CDKL5: variants seen among roughly 807,000 people sequenced by gnomAD.
CDKL5 encodes cyclin dependent kinase like 5, also known as cyclin-dependent kinase-like 5.
A neutral mutation model predicts 61.7 loss-of-function variants in CDKL5; 8 were observed. That is an observed-to-expected ratio of 0.13 (90% CI 0.08 to 0.23). The LOEUF is 0.23. Ranked by LOEUF, CDKL5 falls within the 10% of genes least tolerant of loss-of-function variation. The pLI, the probability that CDKL5 is intolerant of heterozygous loss-of-function variation, is 1.00. For missense variants in CDKL5, 440 were observed against 734.5 expected (o/e 0.60, Z 4.63); for synonymous variants, 275 against 272.3 (o/e 1.01, Z -0.10).
At position 18,604,210 on chromosome X, in the gene CDKL5, C is replaced by T. The variant is rs377263491; in HGVS notation, c.1286C>T (p.Pro429Leu). 4.1e-6 allele frequency: 5 copies of T among 1,211,153 alleles called. No homozygotes were observed. The highest frequency in any genetic ancestry group is 5.6e-6 in the Non-Finnish European group (5 of 894,952). Residue 429 changes from proline (P) to leucine (L), a missense_variant, in exon 12 of 18, where the codon CCA becomes CTA. Pro to Leu is a moderately conservative substitution (Grantham distance 98). Around this residue, in one of 2 missense-constraint regions of CDKL5, gnomAD observed 363 missense variants for 516.3 expected, o/e 0.70. Coordinates refer to ENST00000623535, the MANE Select transcript of CDKL5 (RefSeq NM_001323289.2). The stretch of plus-strand genomic sequence containing the variant: ...ATTGACCCAAAGCCTTCAGAAGGCC[C>T]AGGGACAAAGTACCTCAAGTCAAAC... ...FNIDPKPSEG[P>L]GTKYLKSNSR...
intron 9 of CDKL5, 56 bp downstream of exon 9, chrX:18,588,199 T>C: frequency 1.1e-6 from 1 of 900,382 alleles, no homozygotes; most frequent in Non-Finnish European, 1.6e-6. Flanking sequence ...TTTGAGTCAT[T>C]GTTCATTGCA....
intron 3 of CDKL5, among the ~76,000 whole-genome samples, chrX:18,525,047 T>C (rs141414864): frequency 0.022 from 2,399 of 111,361 alleles, 50 homozygotes; most frequent in African/African-American, 0.062. Context: ...CTCAGTCTCC[T>C]AAGTGGTTGG....
Position 18,604,746 on chromosome X carries a change from C to T in CDKL5, c.1822C>T (p.Pro608Ser), listed in dbSNP as rs1463072215. The T allele has an allele frequency of 8.3e-7, 1 of 1,211,734 alleles. No homozygotes were observed. Reference sequence around the variant, plus strand: ...CAGCCCCTTTTCTTCCCAGCAACGTCCTCATAGGCATTCTATGTATGTGAC... The same window carrying T: ...CAGCCCCTTTTCTTCCCAGCAACGTTCTCATAGGCATTCTATGTATGTGAC... ...YTSPFSSQQR[P>S]HRHSMYVTRD... Residue 608 changes from proline to serine, a missense_variant, in exon 12 of 18, where the codon CCT becomes TCT. By Grantham distance (74) the Pro-to-Ser change is moderately conservative. This residue lies in a region of CDKL5 where 363 missense variants were observed against 516.3 expected (regional missense o/e 0.70). Transcript: ENST00000623535.
chrX:18,561,884 C>A (rs760173923), intron 3 of CDKL5, among the ~76,000 whole-genome samples: 2 of 110,960 alleles, frequency 1.8e-5, no homozygotes. Context: ...GAATATTAAC[C>A]ATGCTCAGGC....
At chrX:18,442,722 T>G (rs1288026585) in intron 1 of CDKL5, among the ~76,000 whole-genome samples, 1 of 111,121 alleles carries the variant, frequency 9.0e-6, no homozygotes, top group East Asian at 2.8e-4. Context: ...TCTCAATCTC[T>G]TGACCTCGTG....
Position 18,506,925 on chromosome X carries a change from T to G in CDKL5, c.-162-10T>G. The G allele has an allele frequency of 2.3e-6, 1 of 438,806 alleles. No homozygotes were observed. The highest frequency in any genetic ancestry group is 4.0e-6 in the Non-Finnish European group (1 of 249,557). The allele number at this position is 438,806 out of a possible 1,213,427, so 36.2% of individuals were successfully genotyped here. A position where few individuals can be genotyped will look rare whatever the true frequency, so the allele number is the denominator to read the frequency against. ...AACTTACAGCTTTTAATTGTGTTTG[T>G]TTTTTTCAGGGAGTCATTTAATACT... On this transcript the variant is annotated splice_polypyrimidine_tract_variant and intron_variant, in intron 1 of 17. Transcript: ENST00000623535.
chrX:18,517,196 C>G (rs1304064599), intron 3 of CDKL5, among the ~76,000 whole-genome samples: 2 of 111,848 alleles, frequency 1.8e-5, no homozygotes, highest in Non-Finnish European at 3.8e-5. Context: ...TCTTTCTACT[C>G]TGAAAACTTT....
intron 1 of CDKL5, among the ~76,000 whole-genome samples, chrX:18,468,910 T>G (rs778522141): frequency 5.1e-4 from 57 of 111,848 alleles, no homozygotes; most frequent in Non-Finnish European, 7.0e-4. Context: ...GTAGGCTAAC[T>G]ATAGAATACC....
intron 15 of CDKL5, among the ~76,000 whole-genome samples, chrX:18,614,470 C>T (rs1926657735): frequency 9.0e-6 from 1 of 111,666 alleles, no homozygotes; most frequent in Non-Finnish European, 1.9e-5. Flanking sequence ...CTCTTGGTTT[C>T]CTCATGTGTA....
intron 1 of CDKL5, among the ~76,000 whole-genome samples, chrX:18,490,338 G>A (rs1921949354): frequency 9.0e-6 from 1 of 111,478 alleles, no homozygotes; most frequent in Non-Finnish European, 1.9e-5. Context: ...ACTTGTGACA[G>A]GAATCCGAAG....
At chrX:18,559,618 C>CTT (rs1426007448) in intron 3 of CDKL5, among the ~76,000 whole-genome samples, 2 of 90,857 alleles carry the variant, frequency 2.2e-5, no homozygotes, top group Non-Finnish European at 2.2e-5. Context: ...ATGACCTTTT[C>CTT]TTTTTTTTTT....
At chrX:18,594,082 A>G (rs1175652209) in intron 9 of CDKL5, among the ~76,000 whole-genome samples, 1 of 112,476 alleles carries the variant, frequency 8.9e-6, no homozygotes, top group East Asian at 2.8e-4. Flanking sequence ...TGTGGAGATG[A>G]TGTCATAATC....
intron 8 of CDKL5, chrX:18,587,609 T>TTATTTGTATTTG (rs1925682037): frequency 4.8e-6 from 1 of 208,533 alleles, no homozygotes; most frequent in Non-Finnish European, 8.7e-6. Flanking sequence ...GAAAATACAA[T>TTATTTGTATTTG]TATTTGGAAG....
At chrX:18,496,086 T>C (rs1406348011) in intron 1 of CDKL5, among the ~76,000 whole-genome samples, 1 of 112,285 alleles carries the variant, frequency 8.9e-6, no homozygotes, top group African/African-American at 3.2e-5. Flanking sequence ...TTTGTTAATG[T>C]TAAAACCAAA....
Position 18,510,804 on chromosome X carries a change from C to T in CDKL5, c.65-16C>T. 8.4e-7 allele frequency: 1 copy of T among 1,184,509 alleles called. No individual in the cohort carries two copies. Among genetic ancestry groups the T allele is most frequent in the Non-Finnish European group, 1.1e-6 (1 of 871,207 alleles). On this transcript the variant is annotated splice_polypyrimidine_tract_variant and intron_variant, in intron 2 of 17. Coordinates refer to ENST00000623535, the MANE Select transcript of CDKL5 (RefSeq NM_001323289.2). ...TTGTATGCGTGCCCTTGATTGTTTA[C>T]TTCTTTTTATTATAGGAGCCTATGG...
intron 5 of CDKL5, among the ~76,000 whole-genome samples, chrX:18,576,674 G>A (rs981887677): frequency 8.2e-5 from 9 of 110,139 alleles, no homozygotes; most frequent in Admixed American, 1.9e-4. Flanking sequence ...AAACTGGAAC[G>A]GTACTAGCAG....
At chrX:18,624,586 C>G (rs763176930) in intron 16 of CDKL5, among the ~76,000 whole-genome samples, 4 of 112,057 alleles carry the variant, frequency 3.6e-5, no homozygotes, top group South Asian at 7.4e-4. Context: ...TCCAGCATTT[C>G]TCTAGTACAT....
At chrX:18,518,406 T>A (rs1343187899) in intron 3 of CDKL5, among the ~76,000 whole-genome samples, 11 of 66,672 alleles carry the variant, frequency 1.6e-4, no homozygotes, top group Non-Finnish European at 3.1e-4. Flanking sequence ...TTTTTTTTTT[T>A]TTTTTTTTTT....
chrX:18,628,284 G>A (rs1302661995), intron 17 of CDKL5, 87 bp from the exon 18 acceptor site: 36 of 987,285 alleles, frequency 3.6e-5, no homozygotes, highest in Non-Finnish European at 4.6e-5. Context: ...GCCACACCCA[G>A]TCACCTCACC....
Sources: allele counts gnomAD v4.1 joint callset (sites outside exome capture counted in the v4.1 genomes callset), GRCh38; gene constraint gnomAD v4.1.1; regional missense constraint gnomAD v4.1.1; transcripts MANE v1.5; gene names NCBI Gene and HGNC (gene_info 2026-07-23, HGNC 2026-07-21).